Variants in MIA2 observed in about 807,000 individuals in gnomAD.
MIA2 encodes the protein melanoma inhibitory activity protein 2.
A neutral mutation model predicts 167.8 loss-of-function variants in MIA2; 127 were observed. The observed-to-expected ratio is 0.76, with a 90% confidence interval of 0.66 to 0.88. MIA2 has a LOEUF of 0.88. MIA2 is among the 40% of genes least tolerant of loss of function. MIA2 has a pLI of 0.00. For missense variants in MIA2, 1,690 were observed against 1,624.7 expected, an observed-to-expected ratio of 1.04 and a Z score of -0.69; for synonymous variants, 552 against 541.9, an observed-to-expected ratio of 1.02 and a Z score of -0.26.
intron 9 of MIA2, among the ~76,000 whole-genome samples, chr14:39,286,198 C>G (rs2059756111): frequency 6.6e-6 from 1 of 152,112 alleles, no homozygotes; most frequent in South Asian, 2.1e-4. Flanking sequence ...ATCCCGGCAC[C>G]TCGGGAGGCC....
At chr14:39,358,976 C>G (rs1378909271) in intron 23 of MIA2, among the ~76,000 whole-genome samples, 1 of 152,208 alleles carries the variant, frequency 6.6e-6, no homozygotes, top group Non-Finnish European at 1.5e-5. Flanking sequence ...GGGGATGCCT[C>G]CCAGTTAGGC....
intron 6 of MIA2, among the ~76,000 whole-genome samples, chr14:39,260,300 T>A (rs1443323216): frequency 6.6e-6 from 1 of 152,254 alleles, no homozygotes; most frequent in Admixed American, 6.5e-5. Context: ...CCACAGTGGT[T>A]GAACTAGTTT....
At chr14:39,266,814 C>T in intron 6 of MIA2, 4 of 240,282 alleles carry the variant, frequency 1.7e-5, no homozygotes, top group Non-Finnish European at 2.6e-5. Flanking sequence ...GGTGTCGGGG[C>T]TGGGCCTGGC....
At chr14:39,300,016 A>T (rs752086083) in intron 14 of MIA2, 30 bp downstream of exon 14, 36 of 1,574,996 alleles carry the variant, frequency 2.3e-5, no homozygotes, top group Non-Finnish European at 4.3e-6. Context: ...TTAGTGATCA[A>T]GTTGGCTAGA....
In MIA2 at chr14:39,348,732, A is replaced by G. The variant is rs757351485; in HGVS notation, c.3838-11A>G. On this transcript the variant is annotated splice_polypyrimidine_tract_variant and intron_variant, in intron 27 of 28. Transcript: ENST00000640607. ...CTGTTTTAGTGACTGCCATATGTCA[A>G]TTTGTTGTAGAATTTAAATGTGCCT... 1 of 1,613,646 alleles carries G rather than the reference A, an allele frequency of 6.2e-7. No individual in the cohort carries two copies. The highest frequency in any genetic ancestry group is 2.2e-5 in the East Asian group (1 of 44,888).
chr14:39,336,361 T>C (rs1406657482), intron 25 of MIA2, among the ~76,000 whole-genome samples: 1 of 152,226 alleles, frequency 6.6e-6, no homozygotes, highest in East Asian at 1.9e-4. Flanking sequence ...AAAGGTTTTA[T>C]TAGCAAGTAT....
At chr14:39,251,903 C>G (rs2054598117) in intron 4 of MIA2, among the ~76,000 whole-genome samples, 1 of 152,026 alleles carries the variant, frequency 6.6e-6, no homozygotes, top group African/African-American at 2.4e-5. Flanking sequence ...AGATATTACA[C>G]CTTCTGTTTA....
At chr14:39,374,072 A>G (rs2075002106) in intron 23 of MIA2, among the ~76,000 whole-genome samples, 1 of 152,230 alleles carries the variant, frequency 6.6e-6, no homozygotes, top group South Asian at 2.1e-4. Flanking sequence ...TAACAGATAA[A>G]TAAATGGAAA....
chr14:39,323,247 C>A (rs183109206), intron 24 of MIA2, among the ~76,000 whole-genome samples: 1 of 152,092 alleles, frequency 6.6e-6, no homozygotes, highest in Non-Finnish European at 1.5e-5. Flanking sequence ...CCAGTCCCCC[C>A]AGTAGATTGG....
intron 27 of MIA2, among the ~76,000 whole-genome samples, chr14:39,348,334 C>T (rs531956616): frequency 1.9e-4 from 29 of 152,238 alleles, no homozygotes; most frequent in African/African-American, 6.5e-4. Flanking sequence ...AGTTCCCTCC[C>T]CATCCTTGGA....
chr14:39,279,422 A>C (rs760782588), intron 8 of MIA2, 27 bp from the exon 9 acceptor site: 5 of 1,601,230 alleles, frequency 3.1e-6, no homozygotes, highest in Non-Finnish European at 4.3e-6. Flanking sequence ...TAATTTACTC[A>C]TGGTAATATT....
intron 20 of MIA2, chr14:39,315,350 G>C (rs1010443546): frequency 1.5e-5 from 3 of 199,456 alleles, no homozygotes; most frequent in African/African-American, 6.9e-5. Context: ...ATCTCCTGCT[G>C]CTTTGGGAAG....
chr14:39,315,627 G>A (rs541613018), intron 20 of MIA2, 56 bp from the exon 21 acceptor site: 12 of 1,343,400 alleles, frequency 8.9e-6, no homozygotes, highest in African/African-American at 1.5e-5. Context: ...AGATGTGAAT[G>A]TTTTTTACTT....
chr14:39,265,256 C>G, intron 6 of MIA2: 1 of 719,196 alleles, frequency 1.4e-6, no homozygotes, highest in South Asian at 1.7e-5. Context: ...CTTTACCACA[C>G]AAATGTCAAA....
chr14:39,257,141 T>C (rs140173548), intron 6 of MIA2, among the ~76,000 whole-genome samples: 2 of 152,308 alleles, frequency 1.3e-5, no homozygotes, highest in East Asian at 3.9e-4. Flanking sequence ...AATAACCTTG[T>C]TAATTTTCTG....
chr14:39,261,009 C>CT (rs1249880318), intron 6 of MIA2, among the ~76,000 whole-genome samples: 1 of 151,616 alleles, frequency 6.6e-6, no homozygotes, highest in East Asian at 1.9e-4. Flanking sequence ...TTAAATTATA[C>CT]TTTAAGTTCT....
At chr14:39,363,543 T>G (rs543204741) in intron 23 of MIA2, among the ~76,000 whole-genome samples, 1 of 152,212 alleles carries the variant, frequency 6.6e-6, no homozygotes, top group South Asian at 2.1e-4. Context: ...AAAAAAAATC[T>G]GATGTTTCTT....
Position 39,291,084 on chromosome 14 carries a change from A to C in MIA2, c.2196A>C (p.Ala732=), listed in dbSNP as rs376694144. ...GCTTTGAGAAGGAGGCAACAGAAGC[A>C]CAAAGTTTGGAGGTAGAAAATCAAA... ...DASFEKEATE[A]QSLEATCEKL... Residue 732 remains alanine (A), a synonymous_variant, in exon 10 of 29, where the codon GCA becomes GCC. Transcript: ENST00000640607. 2.9e-5 allele frequency: 47 copies of C among 1,605,546 alleles called. No homozygotes were observed. Among genetic ancestry groups the C allele is most frequent in the Non-Finnish European group, 3.8e-5 (45 of 1,177,290 alleles).
chr14:39,303,488 A>G lies in MIA2; in HGVS notation c.2751A>G (p.Pro917=), dbSNP rs2062845048. 5 of 1,611,172 alleles carry G rather than the reference A, an allele frequency of 3.1e-6. No individual in the cohort carries two copies. The highest frequency in any genetic ancestry group is 1.1e-5 in the South Asian group (1 of 90,808). The change falls in exon 16 of 29, where the codon CCA becomes CCG. Residue 917 remains proline (P), a synonymous_variant. Transcript: ENST00000640607. ...TGATTTTCACTGTAGATAATCCTCCAAAAGGAGCTTTGAAGAAACTGATTC... is the reference window on the plus strand; with the variant it reads ...TGATTTTCACTGTAGATAATCCTCCGAAAGGAGCTTTGAAGAAACTGATTC... The part of the protein sequence containing the change: ...SENGAYLDNP[P]KGALKKLIHA...
Sources: gnomAD v4.1 joint callset for allele counts (sites outside exome capture counted in the v4.1 genomes callset) on GRCh38, gnomAD v4.1.1 for gene constraint, MANE v1.5 for transcripts, NCBI Gene and HGNC (gene_info 2026-07-23, HGNC 2026-07-21) for gene names.